The following MTMR3 variants were observed in gnomAD, a reference collection of about 807,000 sequenced individuals.
MTMR3 encodes myotubularin related protein 3.
In MTMR3, 32 loss-of-function variants were observed where a neutral mutation model predicts 132.4. That is an observed-to-expected ratio of 0.24 (90% CI 0.18 to 0.32). The LOEUF (loss-of-function observed/expected upper bound fraction) is 0.32, where lower values mean the gene tolerates loss of function less well. MTMR3 is among the 10% of genes least tolerant of loss of function. The pLI is 1.00. For missense variants in MTMR3, 1,216 were observed against 1,489.6 expected (o/e 0.82, Z 3.02); for synonymous variants, 556 against 550.3 (o/e 1.01, Z -0.14).
At chr22:29,966,913 A>C (rs528281114) in intron 2 of MTMR3, among the ~76,000 whole-genome samples, 1 of 152,236 alleles carries the variant, frequency 6.6e-6, no homozygotes, top group Admixed American at 6.5e-5. Context: ...ATTGACTCCC[A>C]ATTATTTCTG....
intron 2 of MTMR3, among the ~76,000 whole-genome samples, chr22:29,964,191 C>T (rs1315494964): frequency 2.0e-5 from 3 of 152,204 alleles, no homozygotes; most frequent in South Asian, 2.1e-4. Flanking sequence ...GCTTATCAGA[C>T]TAACAGTAAT....
chr22:29,986,551 T>TG, intron 5 of MTMR3: 1 of 983,790 alleles, frequency 1.0e-6, no homozygotes, highest in Middle Eastern at 5.2e-4. Context: ...AATTCTTAGT[T>TG]GCATCAGTTG....
At chr22:29,934,228 C>T (rs1011613583) in intron 1 of MTMR3, among the ~76,000 whole-genome samples, 10 of 152,052 alleles carry the variant, frequency 6.6e-5, no homozygotes, top group African/African-American at 2.2e-4. Flanking sequence ...GTGGCGGGCA[C>T]CTGTAGACTC....
intron 1 of MTMR3, among the ~76,000 whole-genome samples, chr22:29,933,206 G>A (rs1404736095): frequency 6.6e-6 from 1 of 152,106 alleles, no homozygotes; most frequent in Admixed American, 6.6e-5. Context: ...CTGACCTCAT[G>A]ATCCACCTGC....
At chr22:30,001,659 C>G (rs1451047654) in intron 8 of MTMR3, 5 of 152,058 alleles carry the variant, frequency 3.3e-5, no homozygotes, top group Admixed American at 3.3e-4. Context: ...CTTCCTACTA[C>G]AAAGGTAGAA....
At chr22:29,897,489 G>A (rs2064924962) in intron 1 of MTMR3, among the ~76,000 whole-genome samples, 1 of 152,070 alleles carries the variant, frequency 6.6e-6, no homozygotes, top group African/African-American at 2.4e-5. Flanking sequence ...CTCTCACTCT[G>A]TTGCCCATAC....
intron 2 of MTMR3, among the ~76,000 whole-genome samples, chr22:29,969,400 T>C (rs2066489772): frequency 6.6e-6 from 1 of 152,166 alleles, no homozygotes; most frequent in Non-Finnish European, 1.5e-5. Context: ...CTTCTATCTC[T>C]ACTACCTTTT....
At chr22:29,981,059 G>T (rs899417947) in intron 5 of MTMR3, 1 of 152,158 alleles carries the variant, frequency 6.6e-6, no homozygotes, top group Non-Finnish European at 1.5e-5. Flanking sequence ...AACTTCTCCT[G>T]TGAAGCCTTT....
chr22:29,986,647 T>C, intron 5 of MTMR3: 1 of 910,954 alleles, frequency 1.1e-6, no homozygotes, highest in Non-Finnish European at 1.3e-6. Context: ...ACAGGCAAGA[T>C]TTTTCTTTTT....
At chr22:29,953,787 C>T (rs1211976635) in intron 1 of MTMR3, among the ~76,000 whole-genome samples, 1 of 152,118 alleles carries the variant, frequency 6.6e-6, no homozygotes, top group African/African-American at 2.4e-5. Flanking sequence ...CCTAACAACC[C>T]TGCCCACCCC....
chr22:29,888,648 G>C (rs746132559), intron 1 of MTMR3, among the ~76,000 whole-genome samples: 7 of 151,962 alleles, frequency 4.6e-5, no homozygotes, highest in Non-Finnish European at 7.4e-5. Flanking sequence ...TAACCACAGA[G>C]GTATTGTCTT....
intron 3 of MTMR3, among the ~76,000 whole-genome samples, chr22:29,971,498 G>A (rs572565899): frequency 8.5e-5 from 13 of 152,176 alleles, no homozygotes; most frequent in African/African-American, 2.4e-4. Context: ...TATATATTGT[G>A]TACAGCATAA....
At chr22:29,944,157 T>C (rs1340062751) in intron 1 of MTMR3, among the ~76,000 whole-genome samples, 1 of 151,948 alleles carries the variant, frequency 6.6e-6, no homozygotes, top group Non-Finnish European at 1.5e-5. Flanking sequence ...AGCGGGGTCT[T>C]AAAGCCCAGA....
At chr22:29,892,659 G>GA (rs1257628231) in intron 1 of MTMR3, among the ~76,000 whole-genome samples, 1 of 151,852 alleles carries the variant, frequency 6.6e-6, no homozygotes, top group Non-Finnish European at 1.5e-5. Flanking sequence ...TTTTGTATTA[G>GA]AAAAAAATGG....
intron 1 of MTMR3, among the ~76,000 whole-genome samples, chr22:29,902,677 G>A (rs1188007413): frequency 2.6e-5 from 4 of 152,046 alleles, no homozygotes; most frequent in African/African-American, 9.6e-5. Flanking sequence ...GGTTATGAAA[G>A]TTTATAAGTA....
intron 2 of MTMR3, among the ~76,000 whole-genome samples, chr22:29,967,138 A>G (rs894523855): frequency 4.7e-5 from 7 of 149,496 alleles, no homozygotes; most frequent in Non-Finnish European, 1.0e-4. Flanking sequence ...ACTTTTTTGC[A>G]GCGTTTATTT....
rs753201639 is a variant in MTMR3, at chr22:30,019,923, A to G, written c.2264A>G (p.Asp755Gly). 6.2e-7 allele frequency: 1 copy of G among 1,614,156 alleles called. No individual in the cohort carries two copies. Among genetic ancestry groups the G allele is most frequent in the Non-Finnish European group, 8.5e-7 (1 of 1,180,024 alleles). The change falls in exon 17 of 20, where the codon GAT (aspartate) becomes GGT (glycine). Residue 755 changes from aspartate to glycine, a missense_variant. This residue lies in a region of MTMR3 where 852 missense variants were observed against 852.0 expected (regional missense o/e 1.00). Transcript: ENST00000401950. The part of the protein sequence containing the change: ...LGDAALRSHL[D>G]MSWPLFSQGI... Reference sequence around the variant, plus strand: ...GATGCTGCTCTGAGGAGCCATCTGGATATGAGCTGGCCTCTGTTCTCACAG... The same window carrying G: ...GATGCTGCTCTGAGGAGCCATCTGGGTATGAGCTGGCCTCTGTTCTCACAG...
chr22:29,906,213 A>G (rs73396830), intron 1 of MTMR3, among the ~76,000 whole-genome samples: 5,578 of 152,092 alleles, frequency 0.037, 363 homozygotes, highest in African/African-American at 0.13. Flanking sequence ...TACTGTACAC[A>G]AATATATTTG....
intron 12 of MTMR3, chr22:30,011,304 C>G (rs2067415304): frequency 6.6e-6 from 1 of 152,158 alleles, no homozygotes; most frequent in Non-Finnish European, 1.5e-5. Context: ...CAAAATGCAA[C>G]AGAGTTTAAA....
Sources: allele counts gnomAD v4.1 joint callset (sites outside exome capture counted in the v4.1 genomes callset), GRCh38; gene constraint gnomAD v4.1.1; regional missense constraint gnomAD v4.1.1; transcripts MANE v1.5; gene names NCBI Gene and HGNC (gene_info 2026-07-23, HGNC 2026-07-21).